The following WIPF3 variants were observed in gnomAD, a reference collection of about 807,000 sequenced individuals.
The protein encoded by WIPF3 is WAS/WASL interacting protein family member 3.
Under a neutral mutation model 38.9 loss-of-function variants are expected in WIPF3, and 33 were observed. The observed-to-expected ratio is 0.85, with a 90% CI of 0.64 to 1.14. The LOEUF is 1.14. WIPF3 is among the 50% of genes most tolerant of loss of function. The pLI, the probability that WIPF3 is intolerant of heterozygous loss-of-function variation, is 0.00. For missense variants in WIPF3, 711 were observed against 652.5 expected (o/e 1.09, Z -0.98); for synonymous variants, 324 against 269.3 (o/e 1.20, Z -1.99).
chr7:29,831,854 T>C (rs1003002663), intron 1 of WIPF3, among the ~76,000 whole-genome samples: 1 of 152,124 alleles, frequency 6.6e-6, no homozygotes, highest in Non-Finnish European at 1.5e-5. Context: ...TCGACCTTCA[T>C]TGCATTGACC....
chr7:29,829,859 G>A (rs1339435252), intron 1 of WIPF3, among the ~76,000 whole-genome samples: 4 of 152,180 alleles, frequency 2.6e-5, no homozygotes, highest in Non-Finnish European at 4.4e-5. Flanking sequence ...TGTGTATTTC[G>A]ATGCTGTTTT....
At chr7:29,818,031 A>G (rs1784482352) in intron 1 of WIPF3, among the ~76,000 whole-genome samples, 2 of 152,164 alleles carry the variant, frequency 1.3e-5, no homozygotes, top group African/African-American at 4.8e-5. Flanking sequence ...ATACTTTTTT[A>G]AAGTTGCTAT....
Position 29,855,813 on chromosome 7 carries a change from T to C in WIPF3, c.91-20017T>C, listed in dbSNP as rs760683110. On this transcript the variant is annotated intron_variant, in intron 2 of 8. Transcript: ENST00000242140. Reference sequence around the variant, plus strand: ...TTTTCTCACTCTACTGTCCCTTTATTATTTTGTCTCTGTTGCCAGAGTGAG... The same window carrying C: ...TTTTCTCACTCTACTGTCCCTTTATCATTTTGTCTCTGTTGCCAGAGTGAG... 6.6e-5 allele frequency among the ~76,000 whole-genome samples: 10 copies of C among 152,354 alleles called. No homozygotes were observed. The East Asian group carries it at 1.9e-3, about 29-fold the overall frequency.
intron 4 of WIPF3, among the ~76,000 whole-genome samples, chr7:29,880,827 C>T (rs922143369): frequency 1.3e-5 from 2 of 152,158 alleles, no homozygotes; most frequent in African/African-American, 4.8e-5. Flanking sequence ...GGACTGGGTA[C>T]CATGTCAGGG....
rs900262485 is a variant in WIPF3, at chr7:29,811,284, G to GATGATA, written c.-58+4611_-58+4612insAATGAT. ...TGATGATGATGATGATGATGATGAT[G>GATGATA]ATGATGATCTGATGCTTTTAAAAAT... On this transcript the variant is annotated intron_variant, in intron 1 of 8. Coordinates refer to ENST00000242140, the MANE Select transcript of WIPF3 (RefSeq NM_001080529.3). 3.5e-4 allele frequency among the ~76,000 whole-genome samples: 50 copies of GATGATA among 142,278 alleles called. 1 individual carries two copies. The highest frequency in any genetic ancestry group is 3.5e-3 in the Middle Eastern group (1 of 284). 93.3% of individuals were successfully genotyped at this position (142,278 alleles called of 152,430 possible).
intron 7 of WIPF3, among the ~76,000 whole-genome samples, chr7:29,895,426 CT>C (rs1325851338): frequency 6.6e-6 from 1 of 152,170 alleles, no homozygotes; most frequent in Non-Finnish European, 1.5e-5. Context: ...GTGGAAATAA[CT>C]GATGAACACA....
intron 7 of WIPF3, among the ~76,000 whole-genome samples, chr7:29,890,061 C>T (rs182202676): frequency 1.3e-5 from 2 of 152,286 alleles, no homozygotes; most frequent in South Asian, 4.1e-4. Flanking sequence ...AACTGTTCAG[C>T]CTTAAGAGTA....
intron 1 of WIPF3, among the ~76,000 whole-genome samples, chr7:29,819,007 T>G (rs1353680449): frequency 6.6e-6 from 1 of 152,212 alleles, no homozygotes; most frequent in African/African-American, 2.4e-5. Context: ...TTCTGTTCAT[T>G]TATGCTTATT....
At chr7:29,887,137 C>T (rs1365529345) in intron 5 of WIPF3, among the ~76,000 whole-genome samples, 1 of 152,164 alleles carries the variant, frequency 6.6e-6, no homozygotes, top group Non-Finnish European at 1.5e-5. Context: ...GAGTAGTGAG[C>T]CCAAGGCCAG....
chr7:29,866,199 T>C (rs1785384899), intron 2 of WIPF3, among the ~76,000 whole-genome samples: 1 of 152,242 alleles, frequency 6.6e-6, no homozygotes, highest in Non-Finnish European at 1.5e-5. Context: ...TTATCATGTA[T>C]AACAGACAAT....
chr7:29,831,216 C>G (rs1347552713), intron 1 of WIPF3, among the ~76,000 whole-genome samples: 4 of 152,162 alleles, frequency 2.6e-5, no homozygotes, highest in Non-Finnish European at 5.9e-5. Flanking sequence ...TTCTTAAGCC[C>G]AAGAAGGCCG....
intron 2 of WIPF3, among the ~76,000 whole-genome samples, chr7:29,837,227 G>A (rs545751010): frequency 1.2e-4 from 18 of 151,480 alleles, no homozygotes; most frequent in Non-Finnish European, 2.5e-4. Flanking sequence ...ATGGTGGTGG[G>A]CGCCTGTAGT....
Position 29,879,004 on chromosome 7 carries a change from T to C in WIPF3, c.224-5T>C. The C allele has an allele frequency of 1.3e-6, 2 of 1,591,960 alleles. No individual in the cohort carries two copies. The highest frequency in any genetic ancestry group is 1.7e-6 in the Non-Finnish European group (2 of 1,167,120). ...TCCTTGCCTATTTGTGTCTTCTCTC[T>C]AAAGGTTCTAAAGGAACCAACAAAG... is the stretch of plus-strand genomic sequence containing the variant. On this transcript the variant is annotated splice_polypyrimidine_tract_variant and splice_region_variant and intron_variant, in intron 3 of 8. Coordinates refer to ENST00000242140, the MANE Select transcript of WIPF3 (RefSeq NM_001080529.3).
intron 1 of WIPF3, among the ~76,000 whole-genome samples, chr7:29,826,789 C>T (rs575021737): frequency 1.1e-4 from 17 of 152,236 alleles, no homozygotes; most frequent in Admixed American, 7.2e-4. Flanking sequence ...AGGAGGTATG[C>T]GGCTGTCACA....
At chr7:29,873,243 T>A (rs761719801) in intron 2 of WIPF3, among the ~76,000 whole-genome samples, 35 of 152,194 alleles carry the variant, frequency 2.3e-4, no homozygotes, top group Non-Finnish European at 4.6e-4. Flanking sequence ...TCATTCCAGT[T>A]GCTTTTTTAA....
intron 2 of WIPF3, among the ~76,000 whole-genome samples, chr7:29,852,316 T>C (rs1054629295): frequency 5.9e-5 from 9 of 152,220 alleles, no homozygotes; most frequent in Admixed American, 5.9e-4. Context: ...AAACATGTTC[T>C]TCAAAGGCTG....
chr7:29,889,215 C>T lies in WIPF3; in HGVS notation c.1250-91C>T, dbSNP rs534578495. On this transcript the variant is annotated intron_variant, in intron 6 of 8. Coordinates refer to ENST00000242140, the MANE Select transcript of WIPF3 (RefSeq NM_001080529.3). ...GCAGGCAAACAGAAAACGGTGGATG[C>T]AGTCAGAGTAATCTCTGTGCTCCTG... is the stretch of plus-strand genomic sequence containing the variant. The T allele has an allele frequency of 3.3e-5, 33 of 1,009,952 alleles. 1 individual carries two copies. Among genetic ancestry groups the T allele is most frequent in the African/African-American group, 2.5e-4 (16 of 63,040 alleles). 62.6% of individuals were successfully genotyped at this position (1,009,952 alleles called of 1,614,324 possible).
Position 29,914,521 on chromosome 7 carries a change from A to G in WIPF3, c.*5A>G, listed in dbSNP as rs1056061. 192,374 of 1,516,730 alleles carry G rather than the reference A, an allele frequency of 0.13. 12,745 individuals carry two copies. Among genetic ancestry groups the G allele is most frequent in the African/African-American group, 0.15 (10,573 of 71,334 alleles). 94.0% of individuals were successfully genotyped at this position (1,516,730 alleles called of 1,614,324 possible). A position where few individuals can be genotyped will look rare whatever the true frequency, so the allele number is the denominator to read the frequency against. On this transcript the variant is annotated 3_prime_UTR_variant, in exon 9 of 9. Coordinates refer to ENST00000242140, the MANE Select transcript of WIPF3 (RefSeq NM_001080529.3). The stretch of plus-strand genomic sequence containing the variant: ...TCTCTAAAGACTCTTCGGTGAGAAG[A>G]CAGATGAAGCGAAGGTCCTGGGGTT...
At chr7:29,900,232 C>A (rs1407388704) in intron 7 of WIPF3, among the ~76,000 whole-genome samples, 1 of 152,184 alleles carries the variant, frequency 6.6e-6, no homozygotes. Context: ...CCACTGCACC[C>A]AGCCTGTACA....
Sources: allele counts gnomAD v4.1 joint callset (sites outside exome capture counted in the v4.1 genomes callset), GRCh38; gene constraint gnomAD v4.1.1; transcripts MANE v1.5; gene names NCBI Gene and HGNC (gene_info 2026-07-23, HGNC 2026-07-21).